PPIL6: variants seen among roughly 807,000 people sequenced by gnomAD.
PPIL6 encodes peptidylprolyl isomerase like 6.
Under a neutral mutation model 36.8 loss-of-function variants are expected in PPIL6, and 39 were observed. The observed-to-expected ratio is 1.06, with a 90% confidence interval of 0.82 to 1.38. The LOEUF is 1.38. PPIL6 is among the 40% of genes most tolerant of loss of function. PPIL6 has a pLI of 0.00. For missense variants in PPIL6, 368 were observed against 379.1 expected, an observed-to-expected ratio of 0.97 and a Z score of 0.24; for synonymous variants, 123 against 134.1, an observed-to-expected ratio of 0.92 and a Z score of 0.57.
chr6:109,407,257 T>C (rs1772837489), intron 6 of PPIL6, among the ~76,000 whole-genome samples: 1 of 151,964 alleles, frequency 6.6e-6, no homozygotes, highest in African/African-American at 2.4e-5. Flanking sequence ...TTTTTTTTCT[T>C]GAGATGGAGT....
intron 7 of PPIL6, among the ~76,000 whole-genome samples, chr6:109,398,421 C>G (rs772879865): frequency 3.9e-5 from 6 of 152,172 alleles, no homozygotes; most frequent in African/African-American, 1.4e-4. Context: ...GCATGACATT[C>G]CAGGTGCTGG....
rs1345175423 is a variant in PPIL6 at position 109,413,336 on chromosome 6, A to G, written c.688+5851T>C. 2.0e-5 allele frequency among the ~76,000 whole-genome samples: 3 copies of G among 152,230 alleles called. No individual in the cohort carries two copies. The highest frequency in any genetic ancestry group is 7.2e-5 in the African/African-American group (3 of 41,464). ...AGACATTTCTCAAAAGAAGACATAC[A>G]AATGGCAAACAGGCATATGAAAAGG... On this transcript the variant is annotated intron_variant, in intron 6 of 7. Transcript: ENST00000521072. This position sits in a 1 kb window ranked among gnomAD's most constrained non-coding sequence, Gnocchi z 4.6.
In PPIL6 at chr6:109,427,086, A is replaced by T. The variant is rs1204333426; in HGVS notation, c.483+8T>A. 4 of 1,606,236 alleles carry T rather than the reference A, an allele frequency of 2.5e-6. No homozygotes were observed. The highest frequency in any genetic ancestry group is 1.1e-5 in the South Asian group (1 of 90,612). ...CCCCACAAACTTACATATAAAAAAA[A>T]GTATCACCTCAAAAATCAATCTTCC... On this transcript the variant is annotated splice_region_variant and intron_variant, in intron 4 of 7. Transcript: ENST00000521072.
At chr6:109,422,226 CCTG>C (rs1237052194) in intron 5 of PPIL6, among the ~76,000 whole-genome samples, 1 of 152,112 alleles carries the variant, frequency 6.6e-6, no homozygotes, top group Non-Finnish European at 1.5e-5. Flanking sequence ...GCCCGTAATC[CCTG>C]CTACTTGGGA....
intron 5 of PPIL6, 145 bp from the exon 6 acceptor site, chr6:109,419,388 C>A: frequency 1.7e-6 from 1 of 586,912 alleles, no homozygotes; most frequent in Non-Finnish European, 3.0e-6. Flanking sequence ...TGAGACCAGC[C>A]TGGGCAACAT....
At chr6:109,399,822 T>G (rs892356940) in intron 7 of PPIL6, among the ~76,000 whole-genome samples, 2 of 152,226 alleles carry the variant, frequency 1.3e-5, no homozygotes, top group African/African-American at 4.8e-5. Flanking sequence ...ATTATATGCC[T>G]GAGCCACTGT....
In PPIL6 at chr6:109,395,961, T is replaced by C. The variant is rs1284058196; in HGVS notation, c.825-3024A>G. 4.6e-5 allele frequency among the ~76,000 whole-genome samples: 7 copies of C among 151,694 alleles called. No homozygotes were observed. The East Asian group carries it at 5.9e-4, about 13-fold the overall frequency. On this transcript the variant is annotated intron_variant, in intron 7 of 7. Transcript: ENST00000521072. Reference sequence around the variant, plus strand: ...CACCATTCTGCCTCAGTCTCCCAAGTAGCTGGGACTACAGGCGCCTGCCAC... The same window carrying C: ...CACCATTCTGCCTCAGTCTCCCAAGCAGCTGGGACTACAGGCGCCTGCCAC...
rs146024917 is a variant in PPIL6, at chr6:109,428,192, C to T, written c.421-1036G>A. Among the ~76,000 whole-genome samples the T allele has an allele frequency of 4.6e-5, 7 of 152,258 alleles. No homozygotes were observed. The East Asian group carries it at 1.2e-3, about 25-fold the overall frequency. On this transcript the variant is annotated intron_variant, in intron 3 of 7. Coordinates refer to ENST00000521072, the MANE Select transcript of PPIL6 (RefSeq NM_173672.5). ...TTCAAAATGAAAATGCTAGTTTCAA[C>T]ATAATAGCATTCATTTAGGGGCTAA... is the stretch of plus-strand genomic sequence containing the variant.
chr6:109,440,149 G>A, intron 1 of PPIL6: 1 of 415,110 alleles, frequency 2.4e-6, no homozygotes, highest in Non-Finnish European at 4.5e-6. Context: ...AAAATCTGCG[G>A]GTGTGTGTGT....
chr6:109,398,586 A>T (rs909061748), intron 7 of PPIL6, among the ~76,000 whole-genome samples: 1 of 152,224 alleles, frequency 6.6e-6, no homozygotes, highest in Non-Finnish European at 1.5e-5. Flanking sequence ...GGAGTGATGA[A>T]AAGTATTTCT....
At chr6:109,440,149 G>GGTGT (rs142756236) in intron 1 of PPIL6, 2 of 415,086 alleles carry the variant, frequency 4.8e-6, no homozygotes, top group African/African-American at 2.2e-5. Context: ...AAAATCTGCG[G>GGTGT]GTGTGTGTGT....
At chr6:109,400,896 G>C (rs1208502254) in intron 6 of PPIL6, among the ~76,000 whole-genome samples, 1 of 151,926 alleles carries the variant, frequency 6.6e-6, no homozygotes, top group Non-Finnish European at 1.5e-5. Context: ...GTCTCGCTCT[G>C]TCGCCCAGGC....
At chr6:109,427,541 C>G (rs1330840298) in intron 3 of PPIL6, among the ~76,000 whole-genome samples, 1 of 152,054 alleles carries the variant, frequency 6.6e-6, no homozygotes, top group Non-Finnish European at 1.5e-5. Context: ...GCACCACCAC[C>G]AGGCCCAGCT....
At chr6:109,440,361 C>G in intron 1 of PPIL6, 95 bp downstream of exon 1, 1 of 1,439,352 alleles carries the variant, frequency 6.9e-7, no homozygotes, top group South Asian at 1.2e-5. Context: ...GGCCTCGACC[C>G]CCGCCGCCTC....
chr6:109,403,016 T>C, intron 6 of PPIL6: 1 of 1,513,998 alleles, frequency 6.6e-7, no homozygotes, highest in South Asian at 1.2e-5. Flanking sequence ...ACTCACTCTT[T>C]AATCGTCTGC....
intron 7 of PPIL6, 86 bp downstream of exon 7, chr6:109,399,949 C>T (rs1307518219): frequency 2.8e-6 from 3 of 1,076,246 alleles, no homozygotes; most frequent in African/African-American, 1.6e-5. Flanking sequence ...GCTACCTATA[C>T]ACTATATACA....
chr6:109,400,570 C>T (rs1432068428), intron 6 of PPIL6, among the ~76,000 whole-genome samples: 1 of 152,152 alleles, frequency 6.6e-6, no homozygotes, highest in Non-Finnish European at 1.5e-5. Flanking sequence ...TTTTGTGGAC[C>T]TGACCTTTCC....
intron 5 of PPIL6, among the ~76,000 whole-genome samples, chr6:109,424,917 G>A (rs1274841560): frequency 2.6e-5 from 4 of 152,210 alleles, no homozygotes; most frequent in Non-Finnish European, 5.9e-5. Context: ...GCAGCCCTCA[G>A]GGGCTGCTGT....
rs1207216750 is a variant in PPIL6 at position 109,440,577 on chromosome 6, T to C, written c.14A>G (p.Gln5Arg). 4 of 1,404,666 alleles carry C rather than the reference T, an allele frequency of 2.8e-6. No homozygotes were observed. The highest frequency in any genetic ancestry group is 3.7e-6 in the Non-Finnish European group (4 of 1,082,788). 87.0% of individuals were successfully genotyped at this position (1,404,666 alleles called of 1,614,324 possible). A position where few individuals can be genotyped will look rare whatever the true frequency, so the allele number is the denominator to read the frequency against. Residue 5 changes from glutamine (Q) to arginine (R), a missense_variant, in exon 1 of 8, where the codon CAG becomes CGG. Gln to Arg is a conservative substitution (Grantham distance 43, BLOSUM62 1). Transcript: ENST00000521072. ...CCTAGCGTGCGGGGGCCCGCACGGC[T>C]GCGGCCTTGCCATGGCCGCGCCCGG... MARPQPCGPPHARCG... is the reference protein window; with the variant it reads MARPRPCGPPHARCG...
Sources: allele counts gnomAD v4.1 joint callset (sites outside exome capture counted in the v4.1 genomes callset), GRCh38; gene constraint gnomAD v4.1.1; non-coding constraint Gnocchi (gnomAD v3.1); transcripts MANE v1.5; gene names NCBI Gene and HGNC (gene_info 2026-07-23, HGNC 2026-07-21).